Variants in LRBA observed in about 807,000 individuals in gnomAD.
The protein encoded by LRBA is LPS responsive beige-like anchor protein, also known as lipopolysaccharide-responsive and beige-like anchor protein.
Under a neutral mutation model 330.0 loss-of-function variants are expected in LRBA, and 176 were observed. The ratio of observed to expected loss-of-function variants is 0.53; its 90% CI spans 0.47 to 0.60. LRBA has a LOEUF of 0.60. Ranked by LOEUF, LRBA falls within the 20% of genes least tolerant of loss-of-function variation. The pLI is 0.00. For missense variants in LRBA, 3,259 were observed against 3,444.8 expected (o/e 0.95, Z 1.35); for synonymous variants, 1,230 against 1,193.0 (o/e 1.03, Z -0.64).
At chr4:150,663,153 T>C (rs1421221975) in intron 37 of LRBA, among the ~76,000 whole-genome samples, 1 of 152,196 alleles carries the variant, frequency 6.6e-6, no homozygotes, top group African/African-American at 2.4e-5. Flanking sequence ...GATATAAAAT[T>C]TATTTAACAA....
chr4:150,349,435 C>CA lies in LRBA; in HGVS notation c.7362+556dup, dbSNP rs572721360. Among the ~76,000 whole-genome samples the CA allele has an allele frequency of 4.6e-4, 70 of 152,200 alleles. 1 individual carries two copies. Among genetic ancestry groups the CA allele is most frequent in the Admixed American group, 3.9e-3 (59 of 15,288 alleles). ...ATACTAAAAAAAGTAAGGTCTTCTA[C>CA]AGACTTTTTGGTGAGTGCTGCATTT... On this transcript the variant is annotated intron_variant, in intron 48 of 56. Coordinates refer to ENST00000651943, the MANE Select transcript of LRBA (RefSeq NM_001364905.1).
At chr4:150,952,752 G>A (rs1414636900) in intron 2 of LRBA, among the ~76,000 whole-genome samples, 1 of 152,074 alleles carries the variant, frequency 6.6e-6, no homozygotes, top group Non-Finnish European at 1.5e-5. Flanking sequence ...GAAATTATGT[G>A]TATCTGTGCT....
At chr4:150,949,820 T>G (rs977110258) in intron 2 of LRBA, among the ~76,000 whole-genome samples, 1 of 152,028 alleles carries the variant, frequency 6.6e-6, no homozygotes, top group African/African-American at 2.4e-5. Flanking sequence ...CCAGCTTCTT[T>G]ACTTATCCCT....
At chr4:150,566,645 A>G (rs1415321290) in intron 40 of LRBA, among the ~76,000 whole-genome samples, 2 of 152,092 alleles carry the variant, frequency 1.3e-5, no homozygotes, top group African/African-American at 4.8e-5. Flanking sequence ...ATTAAAATGT[A>G]TTTCACTAAT....
At chr4:150,310,418 T>A in intron 51 of LRBA, 34 bp from the exon 52 acceptor site, 1 of 1,533,980 alleles carries the variant, frequency 6.5e-7, no homozygotes, top group Non-Finnish European at 9.0e-7. Context: ...AACTATTAAA[T>A]CCACATGGGC....
chr4:150,800,601 C>T (rs1741470593), intron 33 of LRBA, among the ~76,000 whole-genome samples: 1 of 152,108 alleles, frequency 6.6e-6, no homozygotes, highest in South Asian at 2.1e-4. Context: ...AAGGAAGGCC[C>T]TAAAACCTTA....
intron 2 of LRBA, among the ~76,000 whole-genome samples, chr4:150,996,870 C>T (rs1742710399): frequency 2.6e-5 from 4 of 152,022 alleles, no homozygotes; most frequent in Admixed American, 1.3e-4. Context: ...TGTTTTCATG[C>T]TATAAATCAA....
chr4:150,735,218 AAACGGT>A, intron 36 of LRBA, 34 bp downstream of exon 36: 2 of 1,403,978 alleles, frequency 1.4e-6, no homozygotes, highest in South Asian at 2.3e-5. Flanking sequence ...TATCATTAAA[AAACGGT>A]AACTTCCGCA....
chr4:150,503,491 T>A (rs1042345319), intron 40 of LRBA, among the ~76,000 whole-genome samples: 1 of 152,024 alleles, frequency 6.6e-6, no homozygotes, highest in Non-Finnish European at 1.5e-5. Context: ...TAGAACTGGG[T>A]CTGGAGTGGA....
intron 22 of LRBA, among the ~76,000 whole-genome samples, chr4:150,854,023 C>T (rs1479408719): frequency 6.6e-6 from 1 of 151,950 alleles, no homozygotes; most frequent in Non-Finnish European, 1.5e-5. Flanking sequence ...AATCAATAGG[C>T]CTTATTGAAT....
chr4:150,793,752 G>C (rs531084092), intron 34 of LRBA, among the ~76,000 whole-genome samples: 8 of 152,286 alleles, frequency 5.3e-5, no homozygotes, highest in African/African-American at 1.7e-4. Context: ...TTGTAGGGAA[G>C]AGAGGGTAAA....
chr4:150,816,667 T>G (rs1333373194), intron 31 of LRBA, among the ~76,000 whole-genome samples: 1 of 151,538 alleles, frequency 6.6e-6, no homozygotes, highest in South Asian at 2.1e-4. Flanking sequence ...TTCAAAAAAA[T>G]ATGCCAAAAA....
intron 37 of LRBA, among the ~76,000 whole-genome samples, chr4:150,606,873 G>C (rs1774693305): frequency 6.6e-6 from 1 of 152,152 alleles, no homozygotes; most frequent in Admixed American, 6.5e-5. Flanking sequence ...GAAGAGAAGG[G>C]TTTATGCGTA....
At chr4:150,636,158 CTTTTT>C (rs70941419) in intron 37 of LRBA, among the ~76,000 whole-genome samples, 7 of 113,010 alleles carry the variant, frequency 6.2e-5, no homozygotes, top group African/African-American at 6.5e-5. Context: ...ACCTACCAAG[CTTTTT>C]TTTTTTTTTT....
At chr4:150,626,009 T>A (rs1289011221) in intron 37 of LRBA, among the ~76,000 whole-genome samples, 1 of 152,194 alleles carries the variant, frequency 6.6e-6, no homozygotes, top group East Asian at 1.9e-4. Flanking sequence ...TTTTTTTTTT[T>A]TGGAAGCTTT....
chr4:150,371,375 T>C (rs1318547470), intron 47 of LRBA, among the ~76,000 whole-genome samples: 1 of 151,792 alleles, frequency 6.6e-6, no homozygotes, highest in Non-Finnish European at 1.5e-5. Context: ...GTATTTTTAG[T>C]AAAGATGGGG....
At chr4:150,762,192 T>A (rs1735185358) in intron 34 of LRBA, among the ~76,000 whole-genome samples, 1 of 152,000 alleles carries the variant, frequency 6.6e-6, no homozygotes, top group Admixed American at 6.6e-5. Flanking sequence ...TTTTTCCATT[T>A]ATTTTAAGAT....
At chr4:150,493,011 T>C (rs1050535039) in intron 40 of LRBA, among the ~76,000 whole-genome samples, 1 of 152,188 alleles carries the variant, frequency 6.6e-6, no homozygotes, top group Non-Finnish European at 1.5e-5. Flanking sequence ...GACAGGGTCT[T>C]ACTCTGTCAC....
chr4:150,844,596 T>A, intron 27 of LRBA, 62 bp downstream of exon 27: 2 of 1,451,872 alleles, frequency 1.4e-6, no homozygotes, highest in Non-Finnish European at 1.9e-6. Flanking sequence ...AATGAACAAA[T>A]AAAAATCTTA....
Sources: allele counts gnomAD v4.1 joint callset (sites outside exome capture counted in the v4.1 genomes callset), GRCh38; gene constraint gnomAD v4.1.1; transcripts MANE v1.5; gene names NCBI Gene and HGNC (gene_info 2026-07-23, HGNC 2026-07-21).